UBE3D: variants seen among roughly 807,000 people sequenced by gnomAD.
The protein encoded by UBE3D is ubiquitin protein ligase E3D.
A neutral mutation model predicts 49.6 loss-of-function variants in UBE3D; 48 were observed. The observed-to-expected ratio is 0.97, with a 90% CI of 0.77 to 1.23. The LOEUF (loss-of-function observed/expected upper bound fraction) is 1.23. UBE3D is among the 50% of genes most tolerant of loss of function. The pLI is 0.00. For synonymous variants in UBE3D, 189 were observed against 174.2 expected (o/e 1.08, Z -0.67); for missense variants, 452 against 468.4 (o/e 0.96, Z 0.32).
chr6:82,985,923 A>T lies in UBE3D; in HGVS notation c.1011-28473T>A, dbSNP rs185697314. ...ACTATTTGAATTATAGTATCTTAAT[A>T]ATACATTTTAATATTAATATCTGAT... On this transcript the variant is annotated intron_variant, in intron 8 of 9. Coordinates refer to ENST00000369747, the MANE Select transcript of UBE3D (RefSeq NM_198920.3). 2.2e-4 allele frequency among the ~76,000 whole-genome samples: 33 copies of T among 152,266 alleles called. 1 individual carries two copies. The highest frequency in any genetic ancestry group is 7.2e-4 in the African/African-American group (30 of 41,572).
At chr6:82,980,207 T>C (rs1340298001) in intron 8 of UBE3D, among the ~76,000 whole-genome samples, 1 of 152,178 alleles carries the variant, frequency 6.6e-6, no homozygotes, top group African/African-American at 2.4e-5. Context: ...CCTGCCAACA[T>C]TGTGCAAGTG....
chr6:82,925,863 C>G (rs1773710706), intron 9 of UBE3D, among the ~76,000 whole-genome samples: 1 of 152,068 alleles, frequency 6.6e-6, no homozygotes, highest in African/African-American at 2.4e-5. Flanking sequence ...TTCCTTGGTT[C>G]TATACTTTGT....
chr6:82,883,026 C>T, the UBE3D span, among the ~76,000 whole-genome samples: 1 of 152,108 alleles, frequency 6.6e-6, no homozygotes, highest in Non-Finnish European at 1.5e-5. Flanking sequence ...GGTCAAGAAA[C>T]AGTCAGGACA....
chr6:82,913,693 G>C (rs1459502220), intron 9 of UBE3D, among the ~76,000 whole-genome samples: 2 of 152,180 alleles, frequency 1.3e-5, no homozygotes, highest in Non-Finnish European at 2.9e-5. Flanking sequence ...CTTGGGGATG[G>C]AGGTGATGGA....
At chr6:82,959,717 C>CAAAA (rs778278435) in intron 8 of UBE3D, among the ~76,000 whole-genome samples, 2 of 37,726 alleles carry the variant, frequency 5.3e-5, no homozygotes, top group South Asian at 1.2e-3. Context: ...GTGAGACCTC[C>CAAAA]AAAAAAAAAA....
intron 8 of UBE3D, among the ~76,000 whole-genome samples, chr6:82,982,972 A>T (rs1324046706): frequency 6.6e-6 from 1 of 152,018 alleles, no homozygotes; most frequent in Non-Finnish European, 1.5e-5. Flanking sequence ...TTCCAAATGT[A>T]CTGACCAATG....
At chr6:82,942,386 G>GA (rs1163978995) in intron 9 of UBE3D, among the ~76,000 whole-genome samples, 3 of 152,204 alleles carry the variant, frequency 2.0e-5, no homozygotes, top group Non-Finnish European at 1.5e-5. Context: ...CATATTCTGG[G>GA]AAAAAATGCA....
chr6:82,983,155 G>GTT (rs5877831), intron 8 of UBE3D, among the ~76,000 whole-genome samples: 1 of 134,770 alleles, frequency 7.4e-6, no homozygotes, highest in African/African-American at 2.7e-5. Context: ...CTGGCTGAAA[G>GTT]TTTTTTTTTT....
chr6:82,905,545 G>A (rs981983), intron 9 of UBE3D, among the ~76,000 whole-genome samples: 33,741 of 151,944 alleles, frequency 0.22, 5,087 homozygotes, highest in African/African-American at 0.43. Flanking sequence ...CTGAAATTAG[G>A]CCAATTAATA....
chr6:82,993,490 G>A (rs942695143), intron 8 of UBE3D, among the ~76,000 whole-genome samples: 1 of 152,112 alleles, frequency 6.6e-6, no homozygotes, highest in Non-Finnish European at 1.5e-5. Context: ...ATTAACCTAT[G>A]CAAATCCTCC....
chr6:82,917,960 C>G (rs1247607571), intron 9 of UBE3D, among the ~76,000 whole-genome samples: 1 of 152,194 alleles, frequency 6.6e-6, no homozygotes, highest in Non-Finnish European at 1.5e-5. Flanking sequence ...TTAAACTCTA[C>G]TTCCTTTGAC....
chr6:82,951,398 G>GT (rs1279136954), intron 9 of UBE3D, among the ~76,000 whole-genome samples: 1 of 152,206 alleles, frequency 6.6e-6, no homozygotes, highest in Non-Finnish European at 1.5e-5. Context: ...GGAGCAGCTG[G>GT]TTGGAGCTGG....
At chr6:82,977,622 G>A (rs1777821466) in intron 8 of UBE3D, among the ~76,000 whole-genome samples, 1 of 152,164 alleles carries the variant, frequency 6.6e-6, no homozygotes, top group African/African-American at 2.4e-5. Context: ...TGCATCGCCT[G>A]AGGTCAGGAG....
intron 7 of UBE3D, among the ~76,000 whole-genome samples, 165 bp from the exon 8 acceptor site, chr6:83,019,301 C>G (rs1437339511): frequency 6.7e-6 from 1 of 148,314 alleles, no homozygotes; most frequent in African/African-American, 2.5e-5. Context: ...ACATAACTCT[C>G]GGTAGAGCAA....
intron 7 of UBE3D, among the ~76,000 whole-genome samples, chr6:83,021,486 A>G (rs1012555153): frequency 6.6e-5 from 10 of 151,822 alleles, no homozygotes; most frequent in Non-Finnish European, 1.5e-4. Context: ...TATTCTAAAC[A>G]TAAGAGTACT....
At chr6:83,031,698 A>G (rs1781881898) in intron 5 of UBE3D, among the ~76,000 whole-genome samples, 2 of 152,358 alleles carry the variant, frequency 1.3e-5, no homozygotes, top group South Asian at 4.1e-4. Context: ...AAGTGACTTC[A>G]GGGCAGGTCA....
intron 9 of UBE3D, among the ~76,000 whole-genome samples, chr6:82,894,940 A>G (rs890438644): frequency 1.3e-5 from 2 of 152,232 alleles, no homozygotes; most frequent in African/African-American, 4.8e-5. Context: ...TGTAATTCTG[A>G]AAATTGCTAT....
the UBE3D span, among the ~76,000 whole-genome samples, chr6:82,885,633 C>A: frequency 6.6e-6 from 1 of 152,266 alleles, no homozygotes; most frequent in African/African-American, 2.4e-5. Flanking sequence ...ACCGCATCTA[C>A]ATTTTAGAGC....
chr6:82,891,902 C>T (rs190622991), downstream of UBE3D, among the ~76,000 whole-genome samples: 103 of 152,168 alleles, frequency 6.8e-4, no homozygotes, highest in Admixed American at 1.5e-3. Flanking sequence ...TGGTGGGTGC[C>T]TGTAATCCCA....
Sources: gnomAD v4.1 joint callset for allele counts (sites outside exome capture counted in the v4.1 genomes callset) on GRCh38, gnomAD v4.1.1 for gene constraint, MANE v1.5 for transcripts, NCBI Gene and HGNC (gene_info 2026-07-23, HGNC 2026-07-21) for gene names.